The following NDST4 variants were observed in gnomAD, a reference collection of about 807,000 sequenced individuals.
NDST4 encodes N-heparan sulfate sulfotransferase 4.
A neutral mutation model predicts 100.8 loss-of-function variants in NDST4; 63 were observed. The observed-to-expected ratio is 0.62, with a 90% CI of 0.51 to 0.77. The LOEUF is 0.77. Among genes scored for constraint, NDST4 ranks in the 30% least tolerant of loss-of-function variants. The probability of loss-of-function intolerance (pLI) is 0.00; values close to 1 mark genes in which losing one functional copy is unlikely to be tolerated. For synonymous variants in NDST4, 377 were observed against 361.8 expected (o/e 1.04, Z -0.48); for missense variants, 943 against 1,018.4 (o/e 0.93, Z 1.01).
At chr4:114,849,670 TG>T (rs1723631256) in intron 8 of NDST4, among the ~76,000 whole-genome samples, 1 of 152,088 alleles carries the variant, frequency 6.6e-6, no homozygotes, top group Non-Finnish European at 1.5e-5. Flanking sequence ...AATGAAACAC[TG>T]TGTGCGAAAT....
chr4:114,834,238 G>C (rs892084603), intron 11 of NDST4, among the ~76,000 whole-genome samples: 5 of 152,138 alleles, frequency 3.3e-5, no homozygotes, highest in African/African-American at 1.2e-4. Context: ...AAAAGGCCGG[G>C]CGCAGTGGCT....
intron 4 of NDST4, among the ~76,000 whole-genome samples, chr4:114,967,477 G>C (rs924089245): frequency 6.6e-6 from 1 of 151,974 alleles, no homozygotes; most frequent in South Asian, 2.1e-4. Flanking sequence ...TCTCAGCATG[G>C]CTCTTAAAAA....
intron 4 of NDST4, among the ~76,000 whole-genome samples, chr4:114,938,498 A>G (rs1725680760): frequency 6.6e-6 from 1 of 152,226 alleles, no homozygotes; most frequent in South Asian, 2.1e-4. Flanking sequence ...TATCTGCTTT[A>G]AAAGACTCCT....
chr4:114,943,121 G>A (rs144478950), intron 4 of NDST4, among the ~76,000 whole-genome samples: 2,332 of 147,502 alleles, frequency 0.016, 34 homozygotes, highest in Non-Finnish European at 0.024. Flanking sequence ...ATAAGGATAA[G>A]CTTAAAAAGA....
intron 6 of NDST4, among the ~76,000 whole-genome samples, chr4:114,904,500 C>T (rs1724909642): frequency 6.6e-6 from 1 of 151,554 alleles, no homozygotes; most frequent in African/African-American, 2.4e-5. Flanking sequence ...CTTATGATAC[C>T]AGATTGCTTA....
At chr4:115,012,445 C>G (rs188054270) in intron 2 of NDST4, among the ~76,000 whole-genome samples, 4 of 152,024 alleles carry the variant, frequency 2.6e-5, no homozygotes, top group South Asian at 2.1e-4. Flanking sequence ...AACTATCATT[C>G]CAACACCATG....
At chr4:114,920,531 A>T (rs190352180) in intron 6 of NDST4, among the ~76,000 whole-genome samples, 6 of 152,306 alleles carry the variant, frequency 3.9e-5, no homozygotes, top group Non-Finnish European at 1.5e-5. Flanking sequence ...GCATTATTGA[A>T]TATCTTAAAT....
intron 6 of NDST4, among the ~76,000 whole-genome samples, chr4:114,922,357 C>T (rs888061366): frequency 6.6e-6 from 1 of 152,150 alleles, no homozygotes; most frequent in Non-Finnish European, 1.5e-5. Context: ...TCAGTAAACA[C>T]ACCATGCATG....
intron 1 of NDST4, among the ~76,000 whole-genome samples, chr4:115,095,273 G>C (rs477208): frequency 0.78 from 117,946 of 152,128 alleles, 46,390 homozygotes; most frequent in African/African-American, 0.89. Flanking sequence ...TGTTTGTGAT[G>C]CTATTCCCTA....
intron 4 of NDST4, among the ~76,000 whole-genome samples, chr4:114,967,516 CA>C (rs1391789998): frequency 6.6e-6 from 1 of 152,016 alleles, no homozygotes; most frequent in Admixed American, 6.6e-5. Context: ...TGAAATCAAC[CA>C]TTATGAAATA....
At chr4:115,074,189 T>C (rs1386866058) in intron 2 of NDST4, among the ~76,000 whole-genome samples, 5 of 152,018 alleles carry the variant, frequency 3.3e-5, no homozygotes, top group Admixed American at 3.3e-4. Context: ...TGTATTCTAT[T>C]TGGAGTTATG....
intron 6 of NDST4, among the ~76,000 whole-genome samples, chr4:114,922,753 A>G (rs572629125): frequency 3.2e-4 from 48 of 152,314 alleles, no homozygotes; most frequent in South Asian, 1.0e-3. Context: ...TAGTGGTAAC[A>G]AAAGGGCATG....
intron 1 of NDST4, among the ~76,000 whole-genome samples, chr4:115,107,329 T>C (rs1161661693): frequency 6.6e-6 from 1 of 152,130 alleles, no homozygotes; most frequent in East Asian, 1.9e-4. Context: ...TGATTAGTTT[T>C]TTTACTTTCC....
At chr4:115,102,862 C>T (rs1194983399) in intron 1 of NDST4, among the ~76,000 whole-genome samples, 1 of 151,918 alleles carries the variant, frequency 6.6e-6, no homozygotes, top group Non-Finnish European at 1.5e-5. Flanking sequence ...GCGCCTGCCA[C>T]CACGCCTGGC....
At chr4:114,929,117 T>TATCC (rs1298906506) in intron 6 of NDST4, among the ~76,000 whole-genome samples, 17 of 111,242 alleles carry the variant, frequency 1.5e-4, no homozygotes, top group East Asian at 9.4e-4. Flanking sequence ...TCCATCCATC[T>TATCC]ATCTATCTAT....
chr4:114,848,159 C>G, intron 9 of NDST4, 56 bp downstream of exon 9: 1 of 1,459,542 alleles, frequency 6.9e-7, no homozygotes, highest in Non-Finnish European at 9.3e-7. Flanking sequence ...TGTAATTGCT[C>G]TGCAGTGATT....
chr4:114,985,126 G>T (rs1017969555), intron 2 of NDST4, among the ~76,000 whole-genome samples: 2 of 152,124 alleles, frequency 1.3e-5, no homozygotes, highest in East Asian at 1.9e-4. Flanking sequence ...AAGTACAAGG[G>T]TATTTATGGG....
intron 1 of NDST4, among the ~76,000 whole-genome samples, chr4:115,099,077 C>G (rs917658794): frequency 6.6e-6 from 1 of 152,168 alleles, no homozygotes; most frequent in Non-Finnish European, 1.5e-5. Context: ...ATAAACCCTG[C>G]TGGTACAACA....
chr4:114,859,268 T>C (rs145958477), intron 7 of NDST4, among the ~76,000 whole-genome samples: 4 of 152,300 alleles, frequency 2.6e-5, no homozygotes, highest in African/African-American at 9.6e-5. Flanking sequence ...GTATTTCTTC[T>C]AGGCCAGCAA....
Sources: allele counts gnomAD v4.1 joint callset (sites outside exome capture counted in the v4.1 genomes callset), GRCh38; gene constraint gnomAD v4.1.1; transcripts MANE v1.5; gene names NCBI Gene and HGNC (gene_info 2026-07-23, HGNC 2026-07-21).